Variants in C6 observed in about 807,000 individuals in gnomAD.
C6 encodes the protein complement C6, also known as complement component C6.
C6 carries 101 observed loss-of-function variants against 112.9 expected under a neutral mutation model. The observed-to-expected ratio is 0.89, with a 90% CI of 0.76 to 1.06. The LOEUF (loss-of-function observed/expected upper bound fraction) is 1.06. Among genes scored for constraint, C6 ranks in the 50% least tolerant of loss-of-function variants. The probability of loss-of-function intolerance (pLI) is 0.00; values close to 1 mark genes in which losing one functional copy is unlikely to be tolerated. For missense variants in C6, 1,202 were observed against 1,104.6 expected, an observed-to-expected ratio of 1.09 and a Z score of -1.25; for synonymous variants, 431 against 384.1, an observed-to-expected ratio of 1.12 and a Z score of -1.43.
At chr5:41,147,755 C>T (rs553849679) in intron 17 of C6, among the ~76,000 whole-genome samples, 39 of 152,228 alleles carry the variant, frequency 2.6e-4, no homozygotes, top group Admixed American at 1.7e-3. Flanking sequence ...ATCTCCAATC[C>T]GTCTTTTGAA....
intron 1 of C6, among the ~76,000 whole-genome samples, chr5:41,249,001 C>T (rs1741183423): frequency 6.6e-6 from 1 of 152,144 alleles, no homozygotes; most frequent in African/African-American, 2.4e-5. Context: ...ATGTTCTTTT[C>T]AGCAACATAG....
chr5:41,260,055 A>T (rs1280740536), intron 1 of C6, among the ~76,000 whole-genome samples: 1 of 152,236 alleles, frequency 6.6e-6, no homozygotes, highest in Non-Finnish European at 1.5e-5. Context: ...TCTACTTATT[A>T]TCCAGTTATG....
At chr5:41,217,931 A>AT (rs1033176559), upstream of C6, among the ~76,000 whole-genome samples, 2 of 152,076 alleles carry the variant, frequency 1.3e-5, no homozygotes, top group African/African-American at 2.4e-5. Context: ...TTACTAAGGT[A>AT]TTTTTTCTAA....
chr5:41,161,670 C>A (rs1313713483), intron 10 of C6, 23 bp downstream of exon 10: 1 of 1,603,782 alleles, frequency 6.2e-7, no homozygotes, highest in South Asian at 1.1e-5. Flanking sequence ...AGATCTCTTA[C>A]CTGGAATAAT....
chr5:41,256,764 G>T (rs955577576), intron 1 of C6, among the ~76,000 whole-genome samples: 1 of 152,160 alleles, frequency 6.6e-6, no homozygotes, highest in African/African-American at 2.4e-5. Context: ...CTTACGAGCA[G>T]ATTGAGTCTC....
At chr5:41,184,599 G>A (rs1422607861) in intron 6 of C6, among the ~76,000 whole-genome samples, 1 of 152,052 alleles carries the variant, frequency 6.6e-6, no homozygotes, top group Non-Finnish European at 1.5e-5. Context: ...AGACTCCTGA[G>A]TAGCTGGAAC....
intron 3 of C6, 35 bp from the exon 4 acceptor site, chr5:41,199,947 G>A: frequency 6.2e-7 from 1 of 1,611,202 alleles, no homozygotes; most frequent in African/African-American, 1.3e-5. Flanking sequence ...TAACTCTGAG[G>A]CAGGGTCAAG....
intron 9 of C6, among the ~76,000 whole-genome samples, chr5:41,167,773 A>C (rs928017119): frequency 6.6e-6 from 1 of 152,158 alleles, no homozygotes; most frequent in Non-Finnish European, 1.5e-5. Flanking sequence ...TAGAAGTAAG[A>C]CCAAACATCA....
intron 2 of C6, among the ~76,000 whole-genome samples, chr5:41,202,003 G>C (rs1466221088): frequency 3.9e-5 from 6 of 152,102 alleles, no homozygotes; most frequent in Non-Finnish European, 5.9e-5. Context: ...TTCTAAGTGT[G>C]GGGCCTGTGT....
intron 1 of C6, among the ~76,000 whole-genome samples, chr5:41,252,093 T>A (rs1741397834): frequency 6.6e-6 from 1 of 152,216 alleles, no homozygotes; most frequent in Non-Finnish European, 1.5e-5. Flanking sequence ...TTCAGATACC[T>A]AAGACCATTT....
chr5:41,164,979 C>A (rs1242852259), intron 9 of C6, among the ~76,000 whole-genome samples: 1 of 152,178 alleles, frequency 6.6e-6, no homozygotes, highest in Non-Finnish European at 1.5e-5. Context: ...AAGCCTCCTT[C>A]ATGCTTTTAT....
chr5:41,230,829 C>T (rs2150413116), intron 1 of C6, among the ~76,000 whole-genome samples: 1 of 152,212 alleles, frequency 6.6e-6, no homozygotes, highest in African/African-American at 2.4e-5. Context: ...TGTATGCTTT[C>T]TCTTTATTTC....
At chr5:41,232,731 T>C (rs926802542) in intron 1 of C6, among the ~76,000 whole-genome samples, 6 of 152,126 alleles carry the variant, frequency 3.9e-5, no homozygotes, top group African/African-American at 9.6e-5. Context: ...TATTTTTCTG[T>C]TTTCAGTCTC....
chr5:41,160,264 C>T lies in C6; in HGVS notation c.1562G>A (p.Cys521Tyr). Residue 521 changes from cysteine to tyrosine, a missense_variant, in exon 11 of 18, where the codon TGC becomes TAC. Coordinates refer to ENST00000337836, the MANE Select transcript of C6 (RefSeq NM_000065.5). ...ATTATTAGGGCATGGAGCACACTGGCAAGGATCGAACTTGGCTGCATACTC... is the reference window on the plus strand; with the variant it reads ...ATTATTAGGGCATGGAGCACACTGGTAAGGATCGAACTTGGCTGCATACTC... The part of the protein sequence containing the change: ...LQEYAAKFDP[C>Y]QCAPCPNNGR... The T allele has an allele frequency of 6.2e-7, 1 of 1,613,888 alleles. No individual in the cohort carries two copies. Among genetic ancestry groups the T allele is most frequent in the Non-Finnish European group, 8.5e-7 (1 of 1,179,872 alleles).
chr5:41,175,239 A>ACC (rs1748739073), intron 8 of C6, among the ~76,000 whole-genome samples: 1 of 152,210 alleles, frequency 6.6e-6, no homozygotes, highest in Non-Finnish European at 1.5e-5. Flanking sequence ...CGATCAAAGA[A>ACC]GTGACAGATG....
chr5:41,201,261 C>T (rs1751011890), intron 3 of C6, among the ~76,000 whole-genome samples: 1 of 152,124 alleles, frequency 6.6e-6, no homozygotes, highest in South Asian at 2.1e-4. Context: ...AATCTGTATA[C>T]ACTTTTGCTT....
Position 41,241,470 on chromosome 5 carries a change from T to C in C6, c.-21+19724A>G, listed in dbSNP as rs566259786. Among the ~76,000 whole-genome samples the C allele has an allele frequency of 2.6e-5, 4 of 152,306 alleles. No individual in the cohort carries two copies. In the South Asian group the frequency reaches 6.2e-4, roughly 24 times the overall value. On this transcript the variant is annotated intron_variant, in intron 1 of 17. Coordinates refer to the C6 transcript ENST00000263413. ...GGAGGAATCAAAAAATATTGTACAT[T>C]GAACTGTGATTCCCTGGACATAGAC...
chr5:41,176,223 A>C (rs976764542), intron 8 of C6, among the ~76,000 whole-genome samples: 1 of 152,180 alleles, frequency 6.6e-6, no homozygotes, highest in Non-Finnish European at 1.5e-5. Flanking sequence ...GATGTTAGGA[A>C]ATTTAGAGAC....
chr5:41,210,307 G>A (rs1751803921), intron 1 of C6, among the ~76,000 whole-genome samples: 1 of 152,150 alleles, frequency 6.6e-6, no homozygotes, highest in Non-Finnish European at 1.5e-5. Context: ...ATAGGCATGG[G>A]CAAGGACTTC....
Sources: gnomAD v4.1 joint callset for allele counts (sites outside exome capture counted in the v4.1 genomes callset) on GRCh38, gnomAD v4.1.1 for gene constraint, MANE v1.5 for transcripts, NCBI Gene and HGNC (gene_info 2026-07-23, HGNC 2026-07-21) for gene names.